ZC3H12B: variants seen among roughly 807,000 people sequenced by gnomAD.
The protein encoded by ZC3H12B is zinc finger CCCH-type containing 12B, also known as probable ribonuclease ZC3H12B.
ZC3H12B carries 7 observed loss-of-function variants against 43.9 expected under a neutral mutation model. The observed-to-expected ratio is 0.16, with a 90% CI of 0.09 to 0.30. The LOEUF is 0.30. ZC3H12B is among the 10% of genes least tolerant of loss of function. The pLI is 1.00. For synonymous variants in ZC3H12B, 222 were observed against 241.7 expected, an observed-to-expected ratio of 0.92 and a Z score of 0.76; for missense variants, 475 against 670.2, an observed-to-expected ratio of 0.71 and a Z score of 3.22.
the ZC3H12B span, among the ~76,000 whole-genome samples, chrX:65,211,462 A>T: frequency 2.1e-4 from 22 of 107,060 alleles, no homozygotes; most frequent in African/African-American, 7.4e-4. Flanking sequence ...ATTCTTTAAT[A>T]TGCATTATAT....
At chrX:65,070,058 C>T in the ZC3H12B span, among the ~76,000 whole-genome samples, 5 of 104,897 alleles carry the variant, frequency 4.8e-5, no homozygotes, top group Admixed American at 1.0e-4. Context: ...TCATAGAACT[C>T]GGCTGTGAAT....
At chrX:65,053,133 G>C in the ZC3H12B span, among the ~76,000 whole-genome samples, 3 of 110,364 alleles carry the variant, frequency 2.7e-5, no homozygotes, top group East Asian at 8.6e-4. Flanking sequence ...TATACTTTAA[G>C]TTTTAGGGTA....
the ZC3H12B span, among the ~76,000 whole-genome samples, chrX:65,113,985 G>A: frequency 4.2e-5 from 2 of 47,481 alleles, no homozygotes; most frequent in Non-Finnish European, 8.6e-5. Context: ...AGATATGCTT[G>A]TATATATATA....
At chrX:65,066,764 G>T in the ZC3H12B span, among the ~76,000 whole-genome samples, 1 of 112,009 alleles carries the variant, frequency 8.9e-6, no homozygotes, top group African/African-American at 3.2e-5. Context: ...CATGTGCTCT[G>T]TCCCAGGGTG....
intron 2 of ZC3H12B, among the ~76,000 whole-genome samples, chrX:65,396,123 C>CA (rs2066693859): frequency 9.0e-6 from 1 of 111,145 alleles, no homozygotes; most frequent in South Asian, 3.8e-4. Flanking sequence ...TTAATCTTTT[C>CA]AAAAAACCAT....
At chrX:65,067,903 G>A in the ZC3H12B span, among the ~76,000 whole-genome samples, 2 of 110,352 alleles carry the variant, frequency 1.8e-5, no homozygotes, top group African/African-American at 6.6e-5. Context: ...TATTGCTTTT[G>A]CTGTATCCCT....
chrX:65,396,687 G>T (rs1213712674), intron 2 of ZC3H12B, among the ~76,000 whole-genome samples: 1 of 110,715 alleles, frequency 9.0e-6, no homozygotes, highest in Non-Finnish European at 1.9e-5. Flanking sequence ...TGTTGATTTG[G>T]GGTGGAGAGT....
intron 2 of ZC3H12B, among the ~76,000 whole-genome samples, chrX:65,386,873 G>A (rs1054358298): frequency 2.7e-5 from 3 of 111,230 alleles, no homozygotes; most frequent in Non-Finnish European, 5.7e-5. Context: ...TTCAAACAAC[G>A]TCTTTATTTC....
At chrX:65,246,052 A>T in the ZC3H12B span, among the ~76,000 whole-genome samples, 1 of 112,094 alleles carries the variant, frequency 8.9e-6, no homozygotes, top group Non-Finnish European at 1.9e-5. Flanking sequence ...GCTGATAAAA[A>T]CTTTAGCAAA....
the ZC3H12B span, among the ~76,000 whole-genome samples, chrX:65,041,989 A>G: frequency 1.8e-5 from 2 of 111,895 alleles, no homozygotes; most frequent in Non-Finnish European, 1.9e-5. Flanking sequence ...CATAGAGCAC[A>G]ACTACACCTA....
chrX:65,308,837 C>T, the ZC3H12B span, among the ~76,000 whole-genome samples: 5 of 112,153 alleles, frequency 4.5e-5, no homozygotes, highest in Non-Finnish European at 9.4e-5. Flanking sequence ...AAGAAACTCA[C>T]TCAAAACTGC....
the ZC3H12B span, among the ~76,000 whole-genome samples, chrX:65,308,214 A>G: frequency 1.8e-5 from 2 of 110,427 alleles, no homozygotes; most frequent in Non-Finnish European, 3.8e-5. Context: ...ATAAAATTAG[A>G]AAACAACTCT....
chrX:65,053,847 T>C, the ZC3H12B span, among the ~76,000 whole-genome samples: 1 of 112,248 alleles, frequency 8.9e-6, no homozygotes, highest in Non-Finnish European at 1.9e-5. Context: ...TTTGCATTTC[T>C]CTGATGGCCA....
the ZC3H12B span, among the ~76,000 whole-genome samples, chrX:65,135,610 T>TA: frequency 9.1e-6 from 1 of 110,279 alleles, no homozygotes; most frequent in Non-Finnish European, 1.9e-5. Context: ...TTGGGATGTT[T>TA]ACAGCCAGTT....
At chrX:65,100,756 T>C in the ZC3H12B span, among the ~76,000 whole-genome samples, 3 of 109,199 alleles carry the variant, frequency 2.7e-5, no homozygotes, top group Admixed American at 2.0e-4. Context: ...TAAAACAAGT[T>C]CATAGAGACC....
chrX:65,169,480 C>A, the ZC3H12B span, among the ~76,000 whole-genome samples: 1 of 111,643 alleles, frequency 9.0e-6, no homozygotes, highest in Non-Finnish European at 1.9e-5. Context: ...GGAATAAGTG[C>A]AATATGGTGC....
chrX:65,366,555 C>T (rs2066177838), upstream of ZC3H12B: 1 of 112,075 alleles, frequency 8.9e-6, no homozygotes, highest in East Asian at 2.8e-4. Flanking sequence ...CTTTCACTAC[C>T]TCTGTCTTCT....
At chrX:65,063,026 G>A in the ZC3H12B span, among the ~76,000 whole-genome samples, 1 of 112,158 alleles carries the variant, frequency 8.9e-6, no homozygotes, top group African/African-American at 3.2e-5. Flanking sequence ...CTGAGATTTT[G>A]CTGAAGTTGC....
At chrX:65,325,938 G>C in the ZC3H12B span, among the ~76,000 whole-genome samples, 2 of 111,497 alleles carry the variant, frequency 1.8e-5, no homozygotes, top group African/African-American at 6.5e-5. Context: ...AAGGTTTCGA[G>C]TATGTACAAT....
Sources: allele counts gnomAD v4.1 joint callset (sites outside exome capture counted in the v4.1 genomes callset), GRCh38; gene constraint gnomAD v4.1.1; transcripts MANE v1.5; gene names NCBI Gene and HGNC (gene_info 2026-07-23, HGNC 2026-07-21).